The following TBCE variants were observed in gnomAD, a reference collection of about 807,000 sequenced individuals.
TBCE encodes tubulin folding cofactor E, also known as tubulin-specific chaperone E.
In TBCE, 53 loss-of-function variants were observed where a neutral mutation model predicts 77.0. That is an observed-to-expected ratio of 0.69 (90% confidence interval 0.55 to 0.87). The LOEUF (loss-of-function observed/expected upper bound fraction) is 0.87, where lower values mean the gene tolerates loss of function less well. Among genes scored for constraint, TBCE ranks in the 40% least tolerant of loss-of-function variants. The pLI is 0.00. For synonymous variants in TBCE, 235 were observed against 241.3 expected (o/e 0.97, Z 0.24); for missense variants, 624 against 622.4 (o/e 1.00, Z -0.03).
chr1:235,448,500 A>T, intron 16 of TBCE, 60 bp downstream of exon 16: 2 of 1,526,474 alleles, frequency 1.3e-6, no homozygotes, highest in Non-Finnish European at 1.8e-6. Context: ...TTATGACATT[A>T]AACTGTCTCT....
chr1:235,417,953 A>G (rs1680195174), intron 4 of TBCE, among the ~76,000 whole-genome samples: 1 of 151,246 alleles, frequency 6.6e-6, no homozygotes, highest in African/African-American at 2.4e-5. Context: ...AATTTTTGTT[A>G]TTTTTTTTAG....
chr1:235,386,988 C>A (rs569807453), intron 2 of TBCE, among the ~76,000 whole-genome samples: 6,545 of 152,198 alleles, frequency 0.043, 217 homozygotes, highest in African/African-American at 0.093. Context: ...GTGTGGATGT[C>A]CTTCCTGTTT....
At chr1:235,402,347 C>A (rs1254936586) in intron 3 of TBCE, among the ~76,000 whole-genome samples, 3 of 152,018 alleles carry the variant, frequency 2.0e-5, no homozygotes, top group Non-Finnish European at 4.4e-5. Flanking sequence ...CAGGTGTGAG[C>A]CACCACGCCC....
intron 1 of TBCE, among the ~76,000 whole-genome samples, chr1:235,368,843 G>C (rs889178877): frequency 6.6e-6 from 1 of 152,056 alleles, no homozygotes; most frequent in Non-Finnish European, 1.5e-5. Flanking sequence ...TGGGGCTACA[G>C]GTGTGAGCCA....
chr1:235,396,350 G>A lies in TBCE; in HGVS notation c.101-5153G>A, dbSNP rs534124242. ...TGGGATTACAGGCGTGAGCCACCGT[G>A]CCCGGCCCTTATGTGTTTATTTTCT... On this transcript the variant is annotated intron_variant, in intron 2 of 16. Transcript: ENST00000642610. Among the ~76,000 whole-genome samples the A allele has an allele frequency of 9.9e-5, 15 of 152,264 alleles. No individual in the cohort carries two copies. In the South Asian group the frequency reaches 3.1e-3, roughly 32 times the overall value.
rs1343028893 is a variant in TBCE, at chr1:235,438,812, A to G, written c.1160A>G (p.Lys387Arg). ...ERRRAELDYR[K>R]AFGNEWKQAG... is the part of the protein sequence containing the mutation. ...CGGAGAGCTGAGCTTGACTACCGAA[A>G]AGCTTTTGGAAATGAGTGGAAACAG... The change falls in exon 13 of 17, where the codon AAA becomes AGA. Residue 387 changes from lysine (K) to arginine (R), a missense_variant. Lys to Arg is a conservative substitution (Grantham distance 26). Coordinates refer to ENST00000642610, the MANE Select transcript of TBCE (RefSeq NM_003193.5). The G allele has an allele frequency of 6.2e-7, 1 of 1,614,150 alleles. No homozygotes were observed. The highest frequency in any genetic ancestry group is 8.5e-7 in the Non-Finnish European group (1 of 1,180,036).
chr1:235,431,862 G>C (rs894543485), intron 7 of TBCE, among the ~76,000 whole-genome samples: 2 of 136,908 alleles, frequency 1.5e-5, no homozygotes, highest in African/African-American at 2.8e-5. Context: ...AGTAGAGACA[G>C]AGTTTCTCCA....
At chr1:235,370,328 A>T (rs575049258) in intron 1 of TBCE, among the ~76,000 whole-genome samples, 1 of 144,476 alleles carries the variant, frequency 6.9e-6, no homozygotes, top group East Asian at 2.0e-4. Flanking sequence ...TTCTCGGCTC[A>T]CTGCAACCTC....
chr1:235,401,913 AG>A (rs1209629651), intron 3 of TBCE, among the ~76,000 whole-genome samples: 6 of 148,728 alleles, frequency 4.0e-5, no homozygotes, highest in African/African-American at 1.5e-4. Flanking sequence ...CAATCCAGTA[AG>A]TAAATAATAG....
intron 3 of TBCE, among the ~76,000 whole-genome samples, chr1:235,409,027 T>A (rs1679623935): frequency 7.6e-6 from 1 of 130,766 alleles, no homozygotes; most frequent in Non-Finnish European, 1.6e-5. Context: ...TTTTTTTTTT[T>A]AGTATAAGTA....
At chr1:235,446,287 C>A (rs933672155) in intron 15 of TBCE, among the ~76,000 whole-genome samples, 2 of 152,120 alleles carry the variant, frequency 1.3e-5, no homozygotes, top group African/African-American at 4.8e-5. Context: ...GCAACTCTCC[C>A]GGCCTCAGCT....
chr1:235,372,922 TAAAAAAAAAAAAAA>T (rs71174418), intron 1 of TBCE, among the ~76,000 whole-genome samples: 6 of 76,204 alleles, frequency 7.9e-5, no homozygotes, highest in African/African-American at 1.0e-4. Context: ...AGACTCCGTC[TAAAAAAAAAAAAAA>T]AAAAAAAAAG....
rs200547451 is a variant in TBCE, at chr1:235,414,519, T to C, written c.272T>C (p.Leu91Ser). ...FLTAIKNRYV[L>S]EDGPEEDRKE... Reference sequence around the variant, plus strand: ...ACTGCAATTAAGAACCGCTATGTGTTAGAAGATGGACCAGAGGAAGATAGA... The same window carrying C: ...ACTGCAATTAAGAACCGCTATGTGTCAGAAGATGGACCAGAGGAAGATAGA... The change falls in exon 4 of 17, where the codon TTA (leucine) becomes TCA (serine). Residue 91 changes from leucine to serine, a missense_variant. By Grantham distance (145) the Leu-to-Ser change is moderately radical. Coordinates refer to ENST00000642610, the MANE Select transcript of TBCE (RefSeq NM_003193.5). 5.9e-5 allele frequency: 96 copies of C among 1,613,838 alleles called. No homozygotes were observed. Among genetic ancestry groups the C allele is most frequent in the Non-Finnish European group, 7.6e-6 (9 of 1,179,994 alleles).
At chr1:235,447,884 C>T (rs546931264) in intron 15 of TBCE, among the ~76,000 whole-genome samples, 1 of 152,010 alleles carries the variant, frequency 6.6e-6, no homozygotes, top group African/African-American at 2.4e-5. Flanking sequence ...AGGCTTTCCC[C>T]TAATTACTTA....
intron 3 of TBCE, among the ~76,000 whole-genome samples, chr1:235,410,850 A>G (rs1679744711): frequency 6.6e-6 from 1 of 152,210 alleles, no homozygotes; most frequent in Non-Finnish European, 1.5e-5. Context: ...AGAGGAGCTC[A>G]GTTCGAAAGC....
chr1:235,434,012 A>G, intron 7 of TBCE, 192 bp from the exon 8 acceptor site: 1 of 626,180 alleles, frequency 1.6e-6, no homozygotes, highest in Non-Finnish European at 2.9e-6. Context: ...CAGCATTAAA[A>G]TGCACCCCCT....
Position 235,437,509 on chromosome 1 carries a change from A to G in TBCE, c.1116+35A>G, listed in dbSNP as rs771074706. 4.3e-6 allele frequency: 7 copies of G among 1,611,500 alleles called. No individual in the cohort carries two copies. The South Asian group carries it at 7.7e-5, about 18-fold the overall frequency. Reference sequence around the variant, plus strand: ...GGCGTCATGACTAGATATTTTTTAGACTAGAAAATAAATGATTTTAGGCCA... The same window carrying G: ...GGCGTCATGACTAGATATTTTTTAGGCTAGAAAATAAATGATTTTAGGCCA... On this transcript the variant is annotated intron_variant, in intron 12 of 16. Transcript: ENST00000642610.
chr1:235,448,704 TAA>T lies in TBCE; in HGVS notation c.1528_1529del (p.Lys510ValfsTer22), dbSNP rs776217784. 5.6e-6 allele frequency: 9 copies of T among 1,614,028 alleles called. No individual in the cohort carries two copies. Among genetic ancestry groups the T allele is most frequent in the Non-Finnish European group, 7.6e-6 (9 of 1,179,996 alleles). ...AGAGAAATCGAGCTGGAAAATGACCTAAAGTCATTACAGTTTTATTCTGTGGA... is the reference window on the plus strand; with the variant it reads ...AGAGAAATCGAGCTGGAAAATGACCTAGTCATTACAGTTTTATTCTGTGGA... On this transcript the variant is annotated frameshift_variant, in exon 17 of 17. Transcript: ENST00000642610. LOFTEE classifies it high-confidence loss of function.
intron 13 of TBCE, among the ~76,000 whole-genome samples, chr1:235,440,395 TA>T (rs1681792939): frequency 2.0e-5 from 3 of 151,962 alleles, no homozygotes; most frequent in Non-Finnish European, 4.4e-5. Context: ...CATCCGTATA[TA>T]TATATATTTT....
Sources: allele counts gnomAD v4.1 joint callset (sites outside exome capture counted in the v4.1 genomes callset), GRCh38; gene constraint gnomAD v4.1.1; transcripts MANE v1.5; gene names NCBI Gene and HGNC (gene_info 2026-07-23, HGNC 2026-07-21).